PTK2: variants seen among roughly 807,000 people sequenced by gnomAD.
PTK2 encodes focal adhesion kinase 1.
Under a neutral mutation model 150.1 loss-of-function variants are expected in PTK2, and 45 were observed. The observed-to-expected ratio is 0.30, with a 90% CI of 0.24 to 0.38. PTK2 has a LOEUF of 0.38. Ranked by LOEUF, PTK2 falls within the 10% of genes least tolerant of loss-of-function variation. The pLI, the probability that PTK2 is intolerant of heterozygous loss-of-function variation, is 1.00. For missense variants in PTK2, 919 were observed against 1,307.3 expected (o/e 0.70, Z 4.58); for synonymous variants, 432 against 449.2 (o/e 0.96, Z 0.48).
chr8:140,880,946 C>T (rs1810795637), intron 3 of PTK2, among the ~76,000 whole-genome samples: 1 of 152,050 alleles, frequency 6.6e-6, no homozygotes, highest in Admixed American at 6.6e-5. Flanking sequence ...ATCCCAGGTA[C>T]AAAGTTGTTT....
chr8:140,813,158 A>G (rs191046032), intron 10 of PTK2, among the ~76,000 whole-genome samples: 150 of 152,366 alleles, frequency 9.8e-4, no homozygotes, highest in African/African-American at 3.5e-3. Context: ...CAAATGCAAA[A>G]GAACTGAAAT....
intron 1 of PTK2, among the ~76,000 whole-genome samples, chr8:140,931,928 C>CAAAAAA (rs765792463): frequency 5.5e-5 from 3 of 54,632 alleles, no homozygotes; most frequent in African/African-American, 2.2e-4. Context: ...GACCCAGTCT[C>CAAAAAA]AAAAAAAAAA....
intron 5 of PTK2, among the ~76,000 whole-genome samples, chr8:140,851,832 G>A (rs923438965): frequency 6.8e-6 from 1 of 146,330 alleles, no homozygotes; most frequent in African/African-American, 2.6e-5. Context: ...GCTTTCCAGC[G>A]TGGGTGACAG....
chr8:140,947,568 T>TG (rs2100178113), intron 1 of PTK2, among the ~76,000 whole-genome samples: 1 of 151,816 alleles, frequency 6.6e-6, no homozygotes, highest in African/African-American at 2.4e-5. Flanking sequence ...AACTTCAAGG[T>TG]GGTAGAGTAA....
chr8:140,793,143 T>C (rs980152263), intron 13 of PTK2, among the ~76,000 whole-genome samples: 14 of 152,184 alleles, frequency 9.2e-5, no homozygotes, highest in Admixed American at 2.6e-4. Flanking sequence ...AGCTCCCCCA[T>C]AGAACTTAAA....
intron 7 of PTK2, among the ~76,000 whole-genome samples, chr8:140,843,026 C>T (rs1455100885): frequency 6.6e-6 from 1 of 152,024 alleles, no homozygotes; most frequent in Admixed American, 6.6e-5. Flanking sequence ...ATTTCACTGA[C>T]CCCTGACAAA....
At chr8:140,746,836 G>C (rs1278231078) in exon 18 of PTK2, 1 of 1,612,104 alleles carries the variant, frequency 6.2e-7, no homozygotes, top group Non-Finnish European at 8.5e-7. Context: ...CACAATATGA[G>C]GATGGTCAAA....
rs563421482 is a variant in PTK2 at position 140,878,920 on chromosome 8, A to T, written c.362+551T>A. On this transcript the variant is annotated intron_variant, in intron 4 of 31. Transcript: ENST00000522684. ...AGGGAATTCTTTTAATTTGCCCTGA[A>T]ATAATTTTATTTTCCTTAACATTTC... Among the ~76,000 whole-genome samples, 22 of 152,268 alleles carry T rather than the reference A, an allele frequency of 1.4e-4. No homozygotes were observed. In the South Asian group the frequency reaches 4.4e-3, roughly 30 times the overall value.
exon 9 of PTK2, chr8:140,819,009 T>C: frequency 1.2e-6 from 2 of 1,613,250 alleles, no homozygotes; most frequent in Non-Finnish European, 1.7e-6. Flanking sequence ...TCAGTTTTCT[T>C]AGTGTTTTGG....
intron 14 of PTK2, among the ~76,000 whole-genome samples, chr8:140,767,471 T>C (rs1488127055): frequency 1.3e-5 from 2 of 152,130 alleles, no homozygotes; most frequent in Non-Finnish European, 2.9e-5. Context: ...TGGTAATATC[T>C]GGTGTATATT....
intron 4 of PTK2, among the ~76,000 whole-genome samples, chr8:140,871,466 C>T (rs188305085): frequency 1.3e-5 from 2 of 152,274 alleles, no homozygotes; most frequent in Admixed American, 1.3e-4. Flanking sequence ...GCTATGACAA[C>T]CATTAAAAGC....
chr8:140,877,972 T>C (rs2100146695), intron 4 of PTK2, among the ~76,000 whole-genome samples: 1 of 152,110 alleles, frequency 6.6e-6, no homozygotes, highest in Admixed American at 6.5e-5. Flanking sequence ...TTGTGTTAAA[T>C]AAAAGTACCT....
chr8:140,802,663 T>C (rs1448762062), intron 11 of PTK2, among the ~76,000 whole-genome samples: 3 of 152,246 alleles, frequency 2.0e-5, no homozygotes, highest in Non-Finnish European at 4.4e-5. Flanking sequence ...AAGGGCTCTA[T>C]GCAGGTGTAA....
chr8:140,890,564 A>G (rs1478713657), exon 3 of PTK2: 4 of 1,614,030 alleles, frequency 2.5e-6, no homozygotes, highest in East Asian at 2.2e-5. Flanking sequence ...TAGCATCTCC[A>G]TGCCTGATAA....
chr8:140,708,770 T>TA (rs1591502370), intron 23 of PTK2, among the ~76,000 whole-genome samples: 1 of 151,766 alleles, frequency 6.6e-6, no homozygotes, highest in African/African-American at 2.4e-5. Context: ...TAAAAGAGGT[T>TA]AAAAAAAAGA....
chr8:140,775,026 C>T (rs967824424), intron 14 of PTK2, among the ~76,000 whole-genome samples: 1 of 152,240 alleles, frequency 6.6e-6, no homozygotes, highest in African/African-American at 2.4e-5. Flanking sequence ...GCTGCTCTGC[C>T]TATGGAGTAG....
chr8:140,733,449 G>A (rs2100050724), intron 22 of PTK2, among the ~76,000 whole-genome samples: 1 of 152,044 alleles, frequency 6.6e-6, no homozygotes, highest in African/African-American at 2.4e-5. Flanking sequence ...ACAGAAATTT[G>A]GTTAATATTC....
intron 5 of PTK2, among the ~76,000 whole-genome samples, chr8:140,849,339 A>T (rs1276339431): frequency 6.6e-6 from 1 of 152,152 alleles, no homozygotes; most frequent in Admixed American, 6.5e-5. Context: ...GGCTCTAGAG[A>T]GTGTTCTCTC....
At chr8:140,919,508 T>C (rs560791753) in intron 2 of PTK2, among the ~76,000 whole-genome samples, 130 of 142,852 alleles carry the variant, frequency 9.1e-4, no homozygotes, top group African/African-American at 3.0e-3. Flanking sequence ...AGCTTAGGCT[T>C]TGTGAAGGAA....
Sources: gnomAD v4.1 joint callset for allele counts (sites outside exome capture counted in the v4.1 genomes callset) on GRCh38, gnomAD v4.1.1 for gene constraint, MANE v1.5 for transcripts, NCBI Gene and HGNC (gene_info 2026-07-23, HGNC 2026-07-21) for gene names.